The following KCTD6 variants were observed in gnomAD, a reference collection of about 807,000 sequenced individuals.
KCTD6 encodes BTB/POZ domain-containing protein KCTD6.
In KCTD6, 6 loss-of-function variants were observed where a neutral mutation model predicts 18.7. That is an observed-to-expected ratio of 0.32 (90% CI 0.18 to 0.63). The LOEUF (loss-of-function observed/expected upper bound fraction) is 0.63. Among genes scored for constraint, KCTD6 ranks in the 30% least tolerant of loss-of-function variants. The pLI is 0.79. For missense variants in KCTD6, 165 were observed against 300.2 expected, an observed-to-expected ratio of 0.55 and a Z score of 3.33; for synonymous variants, 86 against 108.5, an observed-to-expected ratio of 0.79 and a Z score of 1.29.
chr3:58,497,827 G>C lies in KCTD6; in HGVS notation c.-43-886G>C, dbSNP rs755769522. 1 of 151,148 alleles carries C rather than the reference G, an allele frequency of 6.6e-6. No individual in the cohort carries two copies. The highest frequency in any genetic ancestry group is 1.5e-5 in the Non-Finnish European group (1 of 67,802). The allele number at this position is 151,148 out of a possible 1,614,324, so 9.4% of individuals were successfully genotyped here. On this transcript the variant is annotated intron_variant, in intron 1 of 2. Coordinates refer to ENST00000404589, the MANE Select transcript of KCTD6 (RefSeq NM_001128214.2). The surrounding 1 kb of genome is among the most constrained non-coding windows in gnomAD (Gnocchi z 4.2). ...AAGCATCATCTTTTTTTTTTATATT[G>C]TAAGATAAATACCATTCTGATGTAT...
chr3:58,497,293 C>T lies in KCTD6; in HGVS notation c.-43-1420C>T, dbSNP rs2063179069. On this transcript the variant is annotated intron_variant, in intron 1 of 2. Transcript: ENST00000404589. This position sits in a 1 kb window ranked among gnomAD's most constrained non-coding sequence, Gnocchi z 4.2. ...TGCTATGCAAATGTTCTCTACATGC[C>T]TGAGTGACCTTTTGAGAAAGAGCCT... is the stretch of plus-strand genomic sequence containing the variant. Among the ~76,000 whole-genome samples the T allele has an allele frequency of 6.6e-6, 1 of 152,238 alleles. No homozygotes were observed. The highest frequency in any genetic ancestry group is 2.4e-5 in the African/African-American group (1 of 41,466).
At position 58,501,701 on chromosome 3, in the gene KCTD6, A is replaced by T; in HGVS notation, c.*69A>T. ...TGGAAGATACTGATTTTTTTTTTTA[A>T]ATCACAGTGTGAGATATTTTTTTTC... On this transcript the variant is annotated 3_prime_UTR_variant, in exon 3 of 3. Coordinates refer to ENST00000404589, the MANE Select transcript of KCTD6 (RefSeq NM_001128214.2). This position sits in a 1 kb window ranked among gnomAD's most constrained non-coding sequence, Gnocchi z 9.7. 1 of 1,038,850 alleles carries T rather than the reference A, an allele frequency of 9.6e-7. No individual in the cohort carries two copies. Among genetic ancestry groups the T allele is most frequent in the Non-Finnish European group, 1.3e-6 (1 of 792,078 alleles). 64.4% of individuals were successfully genotyped at this position (1,038,850 alleles called of 1,614,324 possible).
In KCTD6 at chr3:58,501,890, A is replaced by G. The variant is rs951965237; in HGVS notation, c.*258A>G. On this transcript the variant is annotated 3_prime_UTR_variant, in exon 3 of 3. Coordinates refer to ENST00000404589, the MANE Select transcript of KCTD6 (RefSeq NM_001128214.2). This position sits in a 1 kb window ranked among gnomAD's most constrained non-coding sequence, Gnocchi z 9.7. ...AAAGAAGTCTGAAAATCATTATGGT[A>G]TATAATCTACCCTTAACAGAGCTTT... The G allele has an allele frequency of 2.5e-5, 7 of 275,458 alleles. No individual in the cohort carries two copies. The highest frequency in any genetic ancestry group is 6.0e-5 in the East Asian group (1 of 16,678). The allele number at this position is 275,458 out of a possible 1,614,324, so 17.1% of individuals were successfully genotyped here. A position where few individuals can be genotyped will look rare whatever the true frequency, so the allele number is the denominator to read the frequency against.
intron 2 of KCTD6, among the ~76,000 whole-genome samples, chr3:58,499,051 C>T (rs2063192862): frequency 6.6e-6 from 1 of 151,748 alleles, no homozygotes; most frequent in Non-Finnish European, 1.5e-5. Context: ...CTCACTGCAA[C>T]CTCCACCTCC....
In KCTD6 at chr3:58,501,107, T is replaced by A. The variant is rs760514372; in HGVS notation, c.189T>A (p.Pro63=). 14 of 1,614,104 alleles carry A rather than the reference T, an allele frequency of 8.7e-6. No individual in the cohort carries two copies. In the East Asian group the frequency reaches 3.1e-4, roughly 36 times the overall value. ...QGNYFIDRDG[P]LFRYVLNFLR... ...ATTACTTTATTGATCGAGATGGACC[T>A]CTTTTCCGATATGTCCTCAACTTCT... Residue 63 remains proline (P), a synonymous_variant, in exon 3 of 3, where the codon CCT becomes CCA. Transcript: ENST00000404589. The surrounding 1 kb of genome is among the most constrained non-coding windows in gnomAD (Gnocchi z 9.7).
chr3:58,501,575 A>T lies in KCTD6; in HGVS notation c.657A>T (p.Glu219Asp). Residue 219 changes from glutamate (E) to aspartate (D), a missense_variant, in exon 3 of 3, where the codon GAA becomes GAT. Coordinates refer to ENST00000404589, the MANE Select transcript of KCTD6 (RefSeq NM_001128214.2). This position sits in a 1 kb window ranked among gnomAD's most constrained non-coding sequence, Gnocchi z 9.7. Reference protein sequence around the residue: ...RVHHMSERANENTVEHNWTFC... With the variant: ...RVHHMSERANDNTVEHNWTFC... ...ATCACATGAGTGAGCGGGCCAATGA[A>T]AACACAGTGGAGCACAACTGGACTT... is the stretch of plus-strand genomic sequence containing the variant. 1 of 1,439,794 alleles carries T rather than the reference A, an allele frequency of 6.9e-7. No homozygotes were observed. The highest frequency in any genetic ancestry group is 9.1e-7 in the Non-Finnish European group (1 of 1,095,686). 89.2% of individuals were successfully genotyped at this position (1,439,794 alleles called of 1,614,324 possible).
In KCTD6 at chr3:58,496,564, C is replaced by T. The variant is rs1371095237; in HGVS notation, c.-43-2149C>T. ...TTCTAGAATCCCTTCTCAGGTTGTC[C>T]GAATTTTCTTTCAAGGATTCAACTG... On this transcript the variant is annotated intron_variant, in intron 1 of 2. Coordinates refer to ENST00000404589, the MANE Select transcript of KCTD6 (RefSeq NM_001128214.2). The surrounding 1 kb of genome is among the most constrained non-coding windows in gnomAD (Gnocchi z 5.1). Among the ~76,000 whole-genome samples, 1 of 152,138 alleles carries T rather than the reference C, an allele frequency of 6.6e-6. No individual in the cohort carries two copies. The highest frequency in any genetic ancestry group is 6.5e-5 in the Admixed American group (1 of 15,278).
At chr3:58,495,804 A>G (rs2063172852) in intron 1 of KCTD6, among the ~76,000 whole-genome samples, 1 of 151,366 alleles carries the variant, frequency 6.6e-6, no homozygotes, top group Admixed American at 6.6e-5. Flanking sequence ...ATTAAGCGTG[A>G]GCTTTCATTA....
chr3:58,495,555 A>G (rs1262836572), intron 1 of KCTD6, among the ~76,000 whole-genome samples: 2 of 152,192 alleles, frequency 1.3e-5, no homozygotes, highest in African/African-American at 4.8e-5. Context: ...GCATCTCCAC[A>G]GAAGATATTT....
rs2063191599 is a variant in KCTD6, at chr3:58,498,851, T to G, written c.27+69T>G. ...TTTTGTGTGTCTTTTTATCCTTATG[T>G]ATTTTTAGGTATATCTTATAAGAAA... On this transcript the variant is annotated intron_variant, in intron 2 of 2. Transcript: ENST00000404589. This position sits in a 1 kb window ranked among gnomAD's most constrained non-coding sequence, Gnocchi z 4.6. 2 of 1,239,132 alleles carry G rather than the reference T, an allele frequency of 1.6e-6. No homozygotes were observed. The highest frequency in any genetic ancestry group is 3.0e-5 in the African/African-American group (2 of 65,912). 76.8% of individuals were successfully genotyped at this position (1,239,132 alleles called of 1,614,324 possible). A position where few individuals can be genotyped will look rare whatever the true frequency, so the allele number is the denominator to read the frequency against.
Position 58,501,471 on chromosome 3 carries a change from C to T in KCTD6, c.553C>T (p.His185Tyr). The change falls in exon 3 of 3, where the codon CAC becomes TAC. Residue 185 changes from histidine to tyrosine, a missense_variant. Physicochemically the swap from His to Tyr is moderately conservative, Grantham distance 83. Transcript: ENST00000404589. The surrounding 1 kb of genome is among the most constrained non-coding windows in gnomAD (Gnocchi z 9.7). ...VSFTFGPCDY[H>Y]QEVSLRVHLM... ...CTTTACTTTTGGACCCTGTGATTAT[C>T]ACCAGGAAGTTTCTCTTAGGGTCCA... 1 of 1,518,088 alleles carries T rather than the reference C, an allele frequency of 6.6e-7. No homozygotes were observed. Among genetic ancestry groups the T allele is most frequent in the Non-Finnish European group, 8.8e-7 (1 of 1,136,156 alleles). 94.0% of individuals were successfully genotyped at this position (1,518,088 alleles called of 1,614,324 possible).
At chr3:58,495,877 T>C (rs1289659735) in intron 1 of KCTD6, among the ~76,000 whole-genome samples, 1 of 151,982 alleles carries the variant, frequency 6.6e-6, no homozygotes, top group African/African-American at 2.4e-5. Context: ...GTCTAATTTT[T>C]TTTTTTTTTT....
chr3:58,501,818 T>G lies in KCTD6; in HGVS notation c.*186T>G, dbSNP rs2107977928. On this transcript the variant is annotated 3_prime_UTR_variant, in exon 3 of 3. Coordinates refer to ENST00000404589, the MANE Select transcript of KCTD6 (RefSeq NM_001128214.2). This position sits in a 1 kb window ranked among gnomAD's most constrained non-coding sequence, Gnocchi z 9.7. ...CCTCCATGTTTTGTTCCCTTCCCCC[T>G]GAGTATGCATGTGCCTGTTCAGAGT... The G allele has an allele frequency of 2.5e-6, 1 of 396,108 alleles. No individual in the cohort carries two copies. Among genetic ancestry groups the G allele is most frequent in the African/African-American group, 2.1e-5 (1 of 48,548 alleles). 24.5% of individuals were successfully genotyped at this position (396,108 alleles called of 1,614,324 possible). A position where few individuals can be genotyped will look rare whatever the true frequency, so the allele number is the denominator to read the frequency against.
At chr3:58,495,764 T>C (rs949539988) in intron 1 of KCTD6, among the ~76,000 whole-genome samples, 4 of 152,220 alleles carry the variant, frequency 2.6e-5, no homozygotes, top group African/African-American at 9.6e-5. Context: ...AAACATGGGC[T>C]GTAGATTCCC....
At position 58,497,741 on chromosome 3, in the gene KCTD6, C is replaced by T. The variant is rs747415625; in HGVS notation, c.-43-972C>T. 3.3e-4 allele frequency: 50 copies of T among 152,036 alleles called. No individual in the cohort carries two copies. The highest frequency in any genetic ancestry group is 1.0e-3 in the African/African-American group (42 of 41,356). 9.4% of individuals were successfully genotyped at this position (152,036 alleles called of 1,614,324 possible). On this transcript the variant is annotated intron_variant, in intron 1 of 2. Transcript: ENST00000404589. This position sits in a 1 kb window ranked among gnomAD's most constrained non-coding sequence, Gnocchi z 4.2. ...CCCCAAATTGTGCTCTTTAACACTTCGGCATTTAAATCACTTTCTATTTGT... is the reference window on the plus strand; with the variant it reads ...CCCCAAATTGTGCTCTTTAACACTTTGGCATTTAAATCACTTTCTATTTGT...
rs1026301013 is a variant in KCTD6 at position 58,502,336 on chromosome 3, A to G, written c.*704A>G. 2 of 152,542 alleles carry G rather than the reference A, an allele frequency of 1.3e-5. No individual in the cohort carries two copies. Among genetic ancestry groups the G allele is most frequent in the African/African-American group, 4.8e-5 (2 of 41,450 alleles). 9.4% of individuals were successfully genotyped at this position (152,542 alleles called of 1,614,324 possible). A position where few individuals can be genotyped will look rare whatever the true frequency, so the allele number is the denominator to read the frequency against. On this transcript the variant is annotated 3_prime_UTR_variant, in exon 3 of 3. Coordinates refer to ENST00000404589, the MANE Select transcript of KCTD6 (RefSeq NM_001128214.2). ...CTACCAGAAAAAAAAAACAAAACTA[A>G]TAAAAAATGAAATATGAAAATTAAG... is the stretch of plus-strand genomic sequence containing the variant.
rs1389543049 is a variant in KCTD6 at position 58,498,449 on chromosome 3, T to C, written c.-43-264T>C. ...GGTTACTTCCTAGACTCTTCCTCCTTCTCTTAAGTACAGTATAGTTCTTTC... is the reference window on the plus strand; with the variant it reads ...GGTTACTTCCTAGACTCTTCCTCCTCCTCTTAAGTACAGTATAGTTCTTTC... On this transcript the variant is annotated intron_variant, in intron 1 of 2. Coordinates refer to ENST00000404589, the MANE Select transcript of KCTD6 (RefSeq NM_001128214.2). The surrounding 1 kb of genome is among the most constrained non-coding windows in gnomAD (Gnocchi z 4.6). 1.6e-5 allele frequency: 5 copies of C among 307,662 alleles called. No individual in the cohort carries two copies. The highest frequency in any genetic ancestry group is 2.3e-5 in the Non-Finnish European group (4 of 171,572). The allele number at this position is 307,662 out of a possible 1,614,324, so 19.1% of individuals were successfully genotyped here.
In KCTD6 at chr3:58,502,299, C is replaced by T. The variant is rs2063208197; in HGVS notation, c.*667C>T. On this transcript the variant is annotated 3_prime_UTR_variant, in exon 3 of 3. Coordinates refer to ENST00000404589, the MANE Select transcript of KCTD6 (RefSeq NM_001128214.2). ...TTTATGCCTGGTGCAGTATAATTCCCAAGTGTACTGTCTACCAGAAAAAAA... is the reference window on the plus strand; with the variant it reads ...TTTATGCCTGGTGCAGTATAATTCCTAAGTGTACTGTCTACCAGAAAAAAA... 1 of 150,096 alleles carries T rather than the reference C, an allele frequency of 6.7e-6. No individual in the cohort carries two copies. The allele number at this position is 150,096 out of a possible 1,614,324, so 9.3% of individuals were successfully genotyped here.
rs201806945 is a variant in KCTD6, at chr3:58,501,560, T to C, written c.642T>C (p.Ser214=). ...TIRNTRVHHM[S]ERANENTVEH... is the part of the protein sequence containing the mutation. ...GCAACACCCGGGTGCATCACATGAGTGAGCGGGCCAATGAAAACACAGTGG... is the reference window on the plus strand; with the variant it reads ...GCAACACCCGGGTGCATCACATGAGCGAGCGGGCCAATGAAAACACAGTGG... The change falls in exon 3 of 3, where the codon AGT becomes AGC. Residue 214 remains serine (S), a synonymous_variant. Transcript: ENST00000404589. This position sits in a 1 kb window ranked among gnomAD's most constrained non-coding sequence, Gnocchi z 9.7. 11 of 1,454,916 alleles carry C rather than the reference T, an allele frequency of 7.6e-6. No individual in the cohort carries two copies. The highest frequency in any genetic ancestry group is 9.1e-6 in the Non-Finnish European group (10 of 1,104,162). The allele number at this position is 1,454,916 out of a possible 1,614,324, so 90.1% of individuals were successfully genotyped here. A position where few individuals can be genotyped will look rare whatever the true frequency, so the allele number is the denominator to read the frequency against.
Sources: allele counts gnomAD v4.1 joint callset (sites outside exome capture counted in the v4.1 genomes callset), GRCh38; gene constraint gnomAD v4.1.1; non-coding constraint Gnocchi (gnomAD v3.1); transcripts MANE v1.5; gene names NCBI Gene and HGNC (gene_info 2026-07-23, HGNC 2026-07-21).